Variants in UEVLD observed in about 807,000 individuals in gnomAD.
UEVLD encodes the protein UEV and lactate/malate dehyrogenase domains.
A neutral mutation model predicts 58.6 loss-of-function variants in UEVLD; 47 were observed. The observed-to-expected ratio is 0.80, with a 90% CI of 0.63 to 1.02. UEVLD has a LOEUF of 1.02. UEVLD is among the 50% of genes least tolerant of loss of function. The pLI is 0.00. For synonymous variants in UEVLD, 197 were observed against 195.3 expected (o/e 1.01, Z -0.07); for missense variants, 510 against 550.6 (o/e 0.93, Z 0.74).
At chr11:18,536,895 C>CTTTTTTTTTTT (rs370747121) in intron 9 of UEVLD, 1 of 139,000 alleles carries the variant, frequency 7.2e-6, no homozygotes, top group African/African-American at 2.9e-5. Context: ...AATCCTGTTC[C>CTTTTTTTTTTT]TTTTTTTTTT....
At chr11:18,557,650 A>G (rs1225695623) in intron 7 of UEVLD, among the ~76,000 whole-genome samples, 1 of 150,092 alleles carries the variant, frequency 6.7e-6, no homozygotes, top group Non-Finnish European at 1.5e-5. Flanking sequence ...TGCAGCCTTG[A>G]ACACCTGGGC....
intron 7 of UEVLD, among the ~76,000 whole-genome samples, chr11:18,548,009 C>T (rs1386578906): frequency 6.6e-6 from 1 of 152,116 alleles, no homozygotes; most frequent in Non-Finnish European, 1.5e-5. Flanking sequence ...CCTGCTTCTG[C>T]CTCCTGAGAA....
At chr11:18,560,200 A>G (rs982120942) in intron 6 of UEVLD, among the ~76,000 whole-genome samples, 5 of 151,596 alleles carry the variant, frequency 3.3e-5, no homozygotes, top group Admixed American at 1.3e-4. Context: ...CAGGACAGTC[A>G]CTGAATTCGG....
In UEVLD at chr11:18,547,010, T is replaced by G. The variant is rs140654561; in HGVS notation, c.756A>C (p.Thr252=). 1.6e-4 allele frequency: 254 copies of G among 1,614,048 alleles called. No individual in the cohort carries two copies. The African/African-American group carries it at 3.1e-3, about 20-fold the overall frequency. The change falls in exon 8 of 12, where the codon ACA becomes ACC. Residue 252 remains threonine, a synonymous_variant. Coordinates refer to ENST00000396197, the MANE Select transcript of UEVLD (RefSeq NM_001040697.4). The stretch of plus-strand genomic sequence containing the variant: ...ACTGAGAACTACCCAAAGAGTTGAC[T>G]GTGAAGATCACCACCTTGGAATGAG... ...ASAHSKVVIF[T]VNSLGSSQSY...
rs1371465240 is a variant in UEVLD at position 18,564,881 on chromosome 11, T to C, written c.612+11A>G. Reference sequence around the variant, plus strand: ...ATGATAGATGTATTTATAACCACTATGTTTACATACCTTTGCTGAAATTGC... The same window carrying C: ...ATGATAGATGTATTTATAACCACTACGTTTACATACCTTTGCTGAAATTGC... On this transcript the variant is annotated intron_variant, in intron 6 of 11. Transcript: ENST00000396197. 6.3e-7 allele frequency: 1 copy of C among 1,588,108 alleles called. No homozygotes were observed. The highest frequency in any genetic ancestry group is 1.7e-5 in the Admixed American group (1 of 59,720).
intron 1 of UEVLD, among the ~76,000 whole-genome samples, chr11:18,585,626 C>T (rs976410952): frequency 1.3e-5 from 2 of 149,752 alleles, no homozygotes; most frequent in Non-Finnish European, 3.0e-5. Flanking sequence ...CTATTCTTTC[C>T]TTCTTTATTA....
chr11:18,538,725 T>C (rs1024869735), intron 9 of UEVLD, among the ~76,000 whole-genome samples: 1 of 151,764 alleles, frequency 6.6e-6, no homozygotes, highest in Non-Finnish European at 1.5e-5. Context: ...ATACTTGCCA[T>C]AGTTAAGTTG....
chr11:18,560,128 C>CCAGCCTGGGCA (rs1851959284), intron 6 of UEVLD, among the ~76,000 whole-genome samples: 5 of 88,150 alleles, frequency 5.7e-5, no homozygotes, highest in African/African-American at 9.6e-5. Context: ...CACACACACA[C>CCAGCCTGGGCA]ACACACACAC....
At chr11:18,566,205 A>G in intron 5 of UEVLD, 142 bp downstream of exon 5, 1 of 1,224,494 alleles carries the variant, frequency 8.2e-7, no homozygotes, top group Non-Finnish European at 1.1e-6. Context: ...GGCCTGAGGC[A>G]CAGGAATTTC....
intron 3 of UEVLD, among the ~76,000 whole-genome samples, chr11:18,572,972 A>T (rs993286184): frequency 1.3e-5 from 2 of 152,238 alleles, no homozygotes; most frequent in Non-Finnish European, 2.9e-5. Context: ...CAGATGAGAA[A>T]GATAATATAC....
Position 18,529,829 on chromosome 11 carries a change from G to A in UEVLD, c.*2491C>T, listed in dbSNP as rs1378074100. 2 of 152,160 alleles carry A rather than the reference G, an allele frequency of 1.3e-5. No homozygotes were observed. The highest frequency in any genetic ancestry group is 2.9e-5 in the Non-Finnish European group (2 of 68,020). The allele number at this position is 152,160 out of a possible 1,614,324, so 9.4% of individuals were successfully genotyped here. On this transcript the variant is annotated 3_prime_UTR_variant, in exon 12 of 12. Transcript: ENST00000396197. ...CACAAAATCATAGGGAGGTGGTGGT[G>A]GTGATATTGCTTCTTGACTTACACT...
At chr11:18,580,177 T>C (rs535710754) in intron 1 of UEVLD, among the ~76,000 whole-genome samples, 3 of 152,046 alleles carry the variant, frequency 2.0e-5, no homozygotes, top group Admixed American at 6.6e-5. Flanking sequence ...AAAGACAGGT[T>C]ATCATCAAAA....
At chr11:18,582,556 A>C (rs866085095) in intron 1 of UEVLD, among the ~76,000 whole-genome samples, 6 of 151,846 alleles carry the variant, frequency 4.0e-5, no homozygotes, top group African/African-American at 9.7e-5. Context: ...GCTGGCCTTG[A>C]ACTCCTGGGC....
intron 7 of UEVLD, 104 bp from the exon 8 acceptor site, chr11:18,547,154 G>C (rs1009137025): frequency 1.7e-6 from 2 of 1,178,284 alleles, no homozygotes; most frequent in Admixed American, 2.9e-5. Flanking sequence ...AGAGCTTTTA[G>C]GCACGCCTCC....
chr11:18,539,275 G>C (rs1310246544), intron 9 of UEVLD: 1 of 151,292 alleles, frequency 6.6e-6, no homozygotes, highest in Non-Finnish European at 1.5e-5. Context: ...CACCACGTTG[G>C]CCAGGCTGGT....
intron 4 of UEVLD, 83 bp downstream of exon 4, chr11:18,570,131 A>C: frequency 7.4e-7 from 1 of 1,353,292 alleles, no homozygotes; most frequent in Non-Finnish European, 1.0e-6. Context: ...ATGCAGTATC[A>C]TACTTATTTG....
intron 7 of UEVLD, 58 bp downstream of exon 7, chr11:18,558,170 C>T: frequency 7.7e-7 from 1 of 1,292,288 alleles, no homozygotes; most frequent in Non-Finnish European, 1.1e-6. Context: ...CATTAACATT[C>T]TAGGAGTCAA....
chr11:18,581,176 A>T (rs1853221493), intron 1 of UEVLD, among the ~76,000 whole-genome samples: 1 of 152,220 alleles, frequency 6.6e-6, no homozygotes, highest in African/African-American at 2.4e-5. Flanking sequence ...AAAAAAAAAA[A>T]AAAAGATATA....
chr11:18,558,954 A>G (rs1276126136), intron 6 of UEVLD, among the ~76,000 whole-genome samples: 1 of 151,390 alleles, frequency 6.6e-6, no homozygotes, highest in East Asian at 2.0e-4. Flanking sequence ...GGCTCACTGC[A>G]ACCTCTGCCT....
Sources: allele counts gnomAD v4.1 joint callset (sites outside exome capture counted in the v4.1 genomes callset), GRCh38; gene constraint gnomAD v4.1.1; transcripts MANE v1.5; gene names NCBI Gene and HGNC (gene_info 2026-07-23, HGNC 2026-07-21).